The following L3MBTL4 variants were observed in gnomAD, a reference collection of about 807,000 sequenced individuals.
The protein encoded by L3MBTL4 is L3MBTL histone methyl-lysine binding protein 4, also known as lethal(3)malignant brain tumor-like protein 4.
Under a neutral mutation model 84.5 loss-of-function variants are expected in L3MBTL4, and 70 were observed. The ratio of observed to expected loss-of-function variants is 0.83; its 90% CI spans 0.68 to 1.01. L3MBTL4 has a LOEUF of 1.01. L3MBTL4 is among the 50% of genes least tolerant of loss of function. The probability of loss-of-function intolerance (pLI) is 0.00; values close to 1 mark genes in which losing one functional copy is unlikely to be tolerated. For synonymous variants in L3MBTL4, 274 were observed against 259.8 expected (o/e 1.05, Z -0.52); for missense variants, 715 against 754.8 (o/e 0.95, Z 0.62).
chr18:5,968,130 G>A (rs912736739), intron 17 of L3MBTL4, among the ~76,000 whole-genome samples: 1 of 152,220 alleles, frequency 6.6e-6, no homozygotes, highest in Non-Finnish European at 1.5e-5. Context: ...TGGGAAGGCG[G>A]ACTTAAACCA....
chr18:6,180,304 T>G (rs1217574373), intron 12 of L3MBTL4, among the ~76,000 whole-genome samples: 3 of 108,272 alleles, frequency 2.8e-5, no homozygotes, highest in Non-Finnish European at 1.8e-5. Flanking sequence ...ATAAGGCTAC[T>G]GAGACAGGGA....
At chr18:5,979,243 G>A (rs1456043040) in intron 16 of L3MBTL4, among the ~76,000 whole-genome samples, 1 of 152,074 alleles carries the variant, frequency 6.6e-6, no homozygotes, top group Non-Finnish European at 1.5e-5. Context: ...TTGAGCAGAG[G>A]GTCCACAGGG....
chr18:6,070,148 A>C (rs2057536882), intron 16 of L3MBTL4, among the ~76,000 whole-genome samples: 1 of 152,132 alleles, frequency 6.6e-6, no homozygotes. Flanking sequence ...ATATTTGAGG[A>C]GATAATGGTC....
Position 5,958,098 on chromosome 18 carries a change from A to G in L3MBTL4, c.1678-1711T>C, listed in dbSNP as rs868859527. Among the ~76,000 whole-genome samples, 3 of 72,384 alleles carry G rather than the reference A, an allele frequency of 4.1e-5. 1 individual carries two copies. In the East Asian group the frequency reaches 3.1e-3, roughly 76 times the overall value. The allele number at this position is 72,384 out of a possible 152,430, so 47.5% of individuals were successfully genotyped here. A position where few individuals can be genotyped will look rare whatever the true frequency, so the allele number is the denominator to read the frequency against. ...GAAGAAGAAGAAGAAGAAGAAGAAGAAGAAGAAGAAGAAGAAGAAGAAGAA... is the reference window on the plus strand; with the variant it reads ...GAAGAAGAAGAAGAAGAAGAAGAAGGAGAAGAAGAAGAAGAAGAAGAAGAA... On this transcript the variant is annotated intron_variant, in intron 18 of 18. Coordinates refer to ENST00000317931, the MANE Select transcript of L3MBTL4 (RefSeq NM_001330559.2).
intron 13 of L3MBTL4, among the ~76,000 whole-genome samples, chr18:6,150,758 C>T (rs1173942599): frequency 6.6e-6 from 1 of 152,170 alleles, no homozygotes; most frequent in African/African-American, 2.4e-5. Context: ...AGTGTTAGTG[C>T]TGCCCCAAGG....
At chr18:6,021,688 T>C (rs1283833919) in intron 16 of L3MBTL4, among the ~76,000 whole-genome samples, 1 of 152,102 alleles carries the variant, frequency 6.6e-6, no homozygotes, top group Non-Finnish European at 1.5e-5. Context: ...TCTTCTTCAA[T>C]ATAGACAAAC....
At chr18:6,362,416 T>C (rs1396247344) in intron 1 of L3MBTL4, among the ~76,000 whole-genome samples, 1 of 152,210 alleles carries the variant, frequency 6.6e-6, no homozygotes, top group Non-Finnish European at 1.5e-5. Flanking sequence ...TATACTTTTG[T>C]CTGCTCAGCA....
intron 16 of L3MBTL4, among the ~76,000 whole-genome samples, chr18:5,998,495 G>A (rs1007657470): frequency 7.2e-5 from 11 of 152,154 alleles, no homozygotes; most frequent in African/African-American, 2.7e-4. Context: ...TCAGGCTGAG[G>A]GTGGGCCTGG....
At chr18:6,236,889 A>G (rs2047238091) in intron 10 of L3MBTL4, among the ~76,000 whole-genome samples, 1 of 152,222 alleles carries the variant, frequency 6.6e-6, no homozygotes, top group African/African-American at 2.4e-5. Context: ...AGGCGAAAAC[A>G]TTAAAAAACA....
chr18:6,294,213 A>T (rs565280079), intron 4 of L3MBTL4, among the ~76,000 whole-genome samples: 1 of 152,264 alleles, frequency 6.6e-6, no homozygotes, highest in Non-Finnish European at 1.5e-5. Context: ...TATAAGTTTG[A>T]TATAAAAAGT....
intron 1 of L3MBTL4, among the ~76,000 whole-genome samples, chr18:6,413,411 C>T (rs1383883151): frequency 6.6e-6 from 1 of 152,068 alleles, no homozygotes; most frequent in East Asian, 1.9e-4. Context: ...GAATCCAATC[C>T]CTTTGGATAC....
intron 12 of L3MBTL4, among the ~76,000 whole-genome samples, chr18:6,182,892 CTTAT>C (rs1449041031): frequency 4.7e-4 from 72 of 152,130 alleles, no homozygotes; most frequent in Non-Finnish European, 7.4e-5. Context: ...CTGAAAATAA[CTTAT>C]TTAAATAGTC....
At chr18:6,042,617 T>C (rs2056453316) in intron 16 of L3MBTL4, among the ~76,000 whole-genome samples, 1 of 152,208 alleles carries the variant, frequency 6.6e-6, no homozygotes, top group South Asian at 2.1e-4. Context: ...AGACCTCTTT[T>C]TCCTCTAGCT....
At chr18:6,398,875 T>C (rs1021127655) in intron 1 of L3MBTL4, among the ~76,000 whole-genome samples, 1 of 152,014 alleles carries the variant, frequency 6.6e-6, no homozygotes, top group African/African-American at 2.4e-5. Flanking sequence ...TAAGGCCACT[T>C]TACCTACTCA....
At chr18:6,411,915 A>G (rs972353816) in intron 1 of L3MBTL4, among the ~76,000 whole-genome samples, 9 of 152,210 alleles carry the variant, frequency 5.9e-5, no homozygotes, top group African/African-American at 2.2e-4. Flanking sequence ...TTACCAAAAT[A>G]TATTTCCTAT....
In L3MBTL4 at chr18:6,110,778, C is replaced by G. The variant is rs903335721; in HGVS notation, c.1200-17250G>C. 1.5e-4 allele frequency among the ~76,000 whole-genome samples: 23 copies of G among 152,182 alleles called. 1 individual carries two copies. Among genetic ancestry groups the G allele is most frequent in the African/African-American group, 5.3e-4 (22 of 41,502 alleles). On this transcript the variant is annotated intron_variant, in intron 14 of 18. Coordinates refer to ENST00000317931, the MANE Select transcript of L3MBTL4 (RefSeq NM_001330559.2). Reference sequence around the variant, plus strand: ...ATGGTCAATGACAGCTATACATGAGCATCACTTGTCTGCCTACAGTTACTA... The same window carrying G: ...ATGGTCAATGACAGCTATACATGAGGATCACTTGTCTGCCTACAGTTACTA...
At chr18:5,996,400 T>C (rs1039510428) in intron 16 of L3MBTL4, among the ~76,000 whole-genome samples, 2 of 152,206 alleles carry the variant, frequency 1.3e-5, no homozygotes, top group African/African-American at 4.8e-5. Context: ...TTATGTAAAA[T>C]GGAGCGCTGG....
chr18:6,210,434 A>G (rs1434823628), intron 12 of L3MBTL4, among the ~76,000 whole-genome samples: 6 of 152,348 alleles, frequency 3.9e-5, no homozygotes, highest in African/African-American at 1.4e-4. Context: ...TAGGAATGCT[A>G]TAAGCTCTAG....
In L3MBTL4 at chr18:6,149,323, T is replaced by G. The variant is rs575038606; in HGVS notation, c.1097-11027A>C. 9.2e-5 allele frequency among the ~76,000 whole-genome samples: 14 copies of G among 151,868 alleles called. No homozygotes were observed. In the East Asian group the frequency reaches 2.7e-3, roughly 29 times the overall value. On this transcript the variant is annotated intron_variant, in intron 13 of 18. Coordinates refer to ENST00000317931, the MANE Select transcript of L3MBTL4 (RefSeq NM_001330559.2). ...GTTTGGTTTTTTGTCCTTGCGATAGTTTGCTGAGAATGATGGTTTCCAGTT... is the reference window on the plus strand; with the variant it reads ...GTTTGGTTTTTTGTCCTTGCGATAGGTTGCTGAGAATGATGGTTTCCAGTT...
Sources: allele counts gnomAD v4.1 joint callset (sites outside exome capture counted in the v4.1 genomes callset), GRCh38; gene constraint gnomAD v4.1.1; transcripts MANE v1.5; gene names NCBI Gene and HGNC (gene_info 2026-07-23, HGNC 2026-07-21).